The following RFX2 variants were observed in gnomAD, a reference collection of about 807,000 sequenced individuals.
RFX2 encodes regulatory factor X2.
Under a neutral mutation model 87.8 loss-of-function variants are expected in RFX2, and 20 were observed. That is an observed-to-expected ratio of 0.23 (90% CI 0.16 to 0.33). The LOEUF (loss-of-function observed/expected upper bound fraction) is 0.33, where lower values mean the gene tolerates loss of function less well. Among genes scored for constraint, RFX2 ranks in the 10% least tolerant of loss-of-function variants. RFX2 has a pLI of 1.00. For missense variants in RFX2, 767 were observed against 1,012.3 expected (o/e 0.76, Z 3.29); for synonymous variants, 397 against 431.3 (o/e 0.92, Z 0.98).
In RFX2 at chr19:6,026,249, G is replaced by A. The variant is rs1568513454; in HGVS notation, c.523-12C>T. The stretch of plus-strand genomic sequence containing the variant: ...ATCGCCATTTCAAGCTAAAGAAAAT[G>A]TGTGCAGAAACAAAACAAAACAAAA... On this transcript the variant is annotated splice_polypyrimidine_tract_variant and intron_variant, in intron 5 of 17. Transcript: ENST00000303657. The surrounding 1 kb of genome is among the most constrained non-coding windows in gnomAD (Gnocchi z 4.5). The A allele has an allele frequency of 2.5e-6, 4 of 1,605,894 alleles. No homozygotes were observed. The highest frequency in any genetic ancestry group is 3.4e-6 in the Non-Finnish European group (4 of 1,174,338).
At chr19:6,048,776 A>T (rs1412054529) in intron 1 of RFX2, among the ~76,000 whole-genome samples, 1 of 152,234 alleles carries the variant, frequency 6.6e-6, no homozygotes, top group Non-Finnish European at 1.5e-5. Flanking sequence ...AATTTACCTA[A>T]GGAAAGCAGA....
chr19:6,097,066 G>A (rs2088040398), intron 1 of RFX2, among the ~76,000 whole-genome samples: 1 of 152,210 alleles, frequency 6.6e-6, no homozygotes, highest in African/African-American at 2.4e-5. Flanking sequence ...ACCAGTTTGG[G>A]TGGTGGGACC....
chr19:6,070,864 C>T (rs1290863412), intron 1 of RFX2, among the ~76,000 whole-genome samples: 3 of 152,172 alleles, frequency 2.0e-5, no homozygotes, highest in Admixed American at 6.5e-5. Context: ...CACACCACCA[C>T]GCCTGGCTAC....
At chr19:6,014,028 A>G (rs1259329709) in intron 7 of RFX2, among the ~76,000 whole-genome samples, 1 of 152,070 alleles carries the variant, frequency 6.6e-6, no homozygotes, top group Non-Finnish European at 1.5e-5. Context: ...GGGAACCATT[A>G]CATTAGTTTA....
intron 1 of RFX2, among the ~76,000 whole-genome samples, chr19:6,098,228 T>A (rs2088058096): frequency 6.6e-6 from 1 of 152,140 alleles, no homozygotes; most frequent in African/African-American, 2.4e-5. Context: ...ACCCCTGAAG[T>A]TTATCCCAGC....
intron 1 of RFX2, chr19:6,068,562 G>A (rs2087546837): frequency 6.6e-6 from 1 of 151,670 alleles, no homozygotes; most frequent in Non-Finnish European, 1.5e-5. Context: ...TGCTTCCCTG[G>A]GTGGGCTCAT....
At chr19:6,042,496 GTT>G (rs141155152) in intron 3 of RFX2, among the ~76,000 whole-genome samples, 1 of 146,862 alleles carries the variant, frequency 6.8e-6, no homozygotes, top group Non-Finnish European at 1.5e-5. Context: ...CCTGGTTTCT[GTT>G]TTTTTTTTTT....
chr19:6,098,921 C>T (rs2088068903), intron 1 of RFX2, among the ~76,000 whole-genome samples: 1 of 113,348 alleles, frequency 8.8e-6, no homozygotes, highest in Non-Finnish European at 1.7e-5. Flanking sequence ...GGGGTGACCC[C>T]AAATGTATGC....
At chr19:6,025,674 C>G (rs1167395173) in intron 6 of RFX2, among the ~76,000 whole-genome samples, 2 of 152,050 alleles carry the variant, frequency 1.3e-5, no homozygotes, top group Non-Finnish European at 2.9e-5. Context: ...GTCTTGATTT[C>G]TCCTTCATTG....
chr19:6,072,703 T>C (rs2087625434), intron 1 of RFX2: 1 of 409,814 alleles, frequency 2.4e-6, no homozygotes, highest in Non-Finnish European at 4.5e-6. Flanking sequence ...AGATCCTGTC[T>C]CTCAAAAAAG....
In RFX2 at chr19:6,001,738, G is replaced by A. The variant is rs932794969; in HGVS notation, c.1859+77C>T. ...CTGTTTTGCTCTGAGCTCACCAGCC[G>A]AGCCCCCTACCCTCTAGAAGTTTCT... On this transcript the variant is annotated intron_variant, in intron 15 of 17. Transcript: ENST00000303657. This position sits in a 1 kb window ranked among gnomAD's most constrained non-coding sequence, Gnocchi z 5.6. The A allele has an allele frequency of 3.8e-6, 5 of 1,313,620 alleles. No individual in the cohort carries two copies. The highest frequency in any genetic ancestry group is 2.3e-4 in the Middle Eastern group (1 of 4,408). The allele number at this position is 1,313,620 out of a possible 1,614,324, so 81.4% of individuals were successfully genotyped here.
rs1288609649 is a variant in RFX2, at chr19:6,039,818, G to A, written c.522+162C>T. Among the ~76,000 whole-genome samples, 4 of 152,230 alleles carry A rather than the reference G, an allele frequency of 2.6e-5. No individual in the cohort carries two copies. Among genetic ancestry groups the A allele is most frequent in the African/African-American group, 9.6e-5 (4 of 41,462 alleles). The stretch of plus-strand genomic sequence containing the variant: ...TCTGCAGGCCTGCCTATGGTTGCGT[G>A]GCCCGTCTGAGGCTGGCCCGACTCC... On this transcript the variant is annotated intron_variant, in intron 5 of 17. Transcript: ENST00000303657. This position sits in a 1 kb window ranked among gnomAD's most constrained non-coding sequence, Gnocchi z 5.2.
chr19:6,084,818 G>A (rs1466496639), intron 1 of RFX2, among the ~76,000 whole-genome samples: 1 of 151,934 alleles, frequency 6.6e-6, no homozygotes, highest in East Asian at 1.9e-4. Context: ...ATTTTTAGTA[G>A]AGGCTGGGTT....
chr19:6,080,595 G>A (rs1482313188), intron 1 of RFX2, among the ~76,000 whole-genome samples: 1 of 152,288 alleles, frequency 6.6e-6, no homozygotes, highest in Non-Finnish European at 1.5e-5. Flanking sequence ...TGGCACTAAG[G>A]ATGGCACTGA....
At chr19:6,100,919 T>A (rs1317517102) in intron 1 of RFX2, among the ~76,000 whole-genome samples, 1 of 152,116 alleles carries the variant, frequency 6.6e-6, no homozygotes, top group African/African-American at 2.4e-5. Context: ...AGAAGTAATT[T>A]TTACTCACCC....
rs547556463 is a variant in RFX2 at position 6,013,275 on chromosome 19, T to A, written c.780-170A>T. ...ATCTCGGCTCACTGCAATCTCCGCC[T>A]CCCGGGTTTAAGAGATTCTCCTGCC... On this transcript the variant is annotated intron_variant, in intron 7 of 17. Coordinates refer to ENST00000303657, the MANE Select transcript of RFX2 (RefSeq NM_000635.4). This position sits in a 1 kb window ranked among gnomAD's most constrained non-coding sequence, Gnocchi z 4.1. 3.3e-5 allele frequency among the ~76,000 whole-genome samples: 5 copies of A among 151,292 alleles called. No individual in the cohort carries two copies. The highest frequency in any genetic ancestry group is 3.3e-4 in the Admixed American group (5 of 15,140).
rs564820752 is a variant in RFX2 at position 6,039,655 on chromosome 19, C to T, written c.522+325G>A. On this transcript the variant is annotated intron_variant, in intron 5 of 17. Transcript: ENST00000303657. This position sits in a 1 kb window ranked among gnomAD's most constrained non-coding sequence, Gnocchi z 5.2. Reference sequence around the variant, plus strand: ...GCCTCTAAAAGCTTGATAGTAACAACGATAACAATAATAAGAGCAAAGGAG... The same window carrying T: ...GCCTCTAAAAGCTTGATAGTAACAATGATAACAATAATAAGAGCAAAGGAG... 6.6e-6 allele frequency among the ~76,000 whole-genome samples: 1 copy of T among 152,316 alleles called. No individual in the cohort carries two copies. The highest frequency in any genetic ancestry group is 2.4e-5 in the African/African-American group (1 of 41,572).
rs1321507235 is a variant in RFX2 at position 6,004,432 on chromosome 19, G to A, written c.1403-134C>T. The A allele has an allele frequency of 4.2e-6, 3 of 715,352 alleles. No individual in the cohort carries two copies. In the African/African-American group the frequency reaches 5.2e-5, roughly 12 times the overall value. 44.3% of individuals were successfully genotyped at this position (715,352 alleles called of 1,614,324 possible). On this transcript the variant is annotated intron_variant, in intron 12 of 17. Coordinates refer to ENST00000303657, the MANE Select transcript of RFX2 (RefSeq NM_000635.4). This position sits in a 1 kb window ranked among gnomAD's most constrained non-coding sequence, Gnocchi z 4.8. ...GAAGAACGAGCCACACAGGCGACGG[G>A]GAACCGAGGACACTTAGAAACGGGA...
chr19:6,035,185 C>T (rs2087005603), intron 5 of RFX2, among the ~76,000 whole-genome samples: 1 of 152,146 alleles, frequency 6.6e-6, no homozygotes, highest in African/African-American at 2.4e-5. Flanking sequence ...CCCTCAGAGG[C>T]TGTGTGTTTT....
Sources: gnomAD v4.1 joint callset for allele counts (sites outside exome capture counted in the v4.1 genomes callset) on GRCh38, gnomAD v4.1.1 for gene constraint, Gnocchi (gnomAD v3.1) non-coding constraint, MANE v1.5 for transcripts, NCBI Gene and HGNC (gene_info 2026-07-23, HGNC 2026-07-21) for gene names.